FAM184B: variants seen among roughly 807,000 people sequenced by gnomAD.
FAM184B encodes the protein family with sequence similarity 184 member B, also known as protein FAM184B.
A neutral mutation model predicts 135.9 loss-of-function variants in FAM184B; 111 were observed. That is an observed-to-expected ratio of 0.82 (90% CI 0.70 to 0.96). The LOEUF (loss-of-function observed/expected upper bound fraction) is 0.96. Ranked by LOEUF, FAM184B falls within the 40% of genes least tolerant of loss-of-function variation. The pLI is 0.00. For missense variants in FAM184B, 1,375 were observed against 1,323.9 expected, an observed-to-expected ratio of 1.04 and a Z score of -0.60; for synonymous variants, 552 against 524.8, an observed-to-expected ratio of 1.05 and a Z score of -0.71.
intron 6 of FAM184B, among the ~76,000 whole-genome samples, chr4:17,689,361 T>C (rs1271088082): frequency 6.6e-6 from 1 of 152,070 alleles, no homozygotes; most frequent in African/African-American, 2.4e-5. Flanking sequence ...CCAAAAAACA[T>C]AAAGGAAACT....
intron 11 of FAM184B, among the ~76,000 whole-genome samples, chr4:17,652,313 AC>A (rs1414613766): frequency 6.6e-6 from 1 of 150,864 alleles, no homozygotes; most frequent in African/African-American, 2.4e-5. Context: ...TTTAGTAGAG[AC>A]GGGGTTTCAC....
At position 17,633,842 on chromosome 4, in the gene FAM184B, T is replaced by C; in HGVS notation, c.2936A>G (p.Asn979Ser). 1 of 1,551,450 alleles carries C rather than the reference T, an allele frequency of 6.4e-7. No individual in the cohort carries two copies. Among genetic ancestry groups the C allele is most frequent in the Non-Finnish European group, 8.7e-7 (1 of 1,146,934 alleles). The change falls in exon 17 of 18, where the codon AAC becomes AGC. Residue 979 changes from asparagine to serine, a missense_variant. Transcript: ENST00000265018. ...AAAGTTCTTTGCATAGGAGGCGAGG[T>C]TCGGCACGCTGACCACGCGGCTGGG... ...DVPSRVVSVP[N>S]LASYAKNFLS...
intron 7 of FAM184B, among the ~76,000 whole-genome samples, chr4:17,678,354 A>G (rs541774204): frequency 6.6e-6 from 1 of 152,348 alleles, no homozygotes; most frequent in South Asian, 2.1e-4. Context: ...TATACAAATC[A>G]GTAGCTCTTC....
intron 13 of FAM184B, among the ~76,000 whole-genome samples, chr4:17,640,886 A>G (rs1045048808): frequency 6.6e-6 from 1 of 152,172 alleles, no homozygotes; most frequent in African/African-American, 2.4e-5. Flanking sequence ...CCTCCTGCAC[A>G]CATTCCATTG....
chr4:17,642,201 A>C lies in FAM184B; in HGVS notation c.2374T>G (p.Ser792Ala), dbSNP rs770159270. 14 of 1,520,474 alleles carry C rather than the reference A, an allele frequency of 9.2e-6. No homozygotes were observed. The South Asian group carries it at 1.7e-4, about 18-fold the overall frequency. The allele number at this position is 1,520,474 out of a possible 1,614,324, so 94.2% of individuals were successfully genotyped here. ...CCCTGCCCAGCAGCGCCCGGTGGGG[A>C]GCCGGCCTGGCCCGGGCCGCCCCGC... ...EERGGPGQAGSPPGAAGQGSG... is the reference protein window; with the variant it reads ...EERGGPGQAGAPPGAAGQGSG... The change falls in exon 13 of 18, where the codon TCC becomes GCC. Residue 792 changes from serine (S) to alanine (A), a missense_variant. Ser to Ala is a moderately conservative substitution (Grantham distance 99, BLOSUM62 1). Coordinates refer to ENST00000265018, the MANE Select transcript of FAM184B (RefSeq NM_015688.2).
At chr4:17,708,430 AG>A (rs1717164486) in intron 2 of FAM184B, among the ~76,000 whole-genome samples, 1 of 151,614 alleles carries the variant, frequency 6.6e-6, no homozygotes, top group African/African-American at 2.4e-5. Flanking sequence ...GGATCACCTG[AG>A]GTCAGGAGTT....
chr4:17,776,058 A>AGGT (rs1410187652), intron 1 of FAM184B, among the ~76,000 whole-genome samples: 3 of 152,200 alleles, frequency 2.0e-5, no homozygotes, highest in Non-Finnish European at 4.4e-5. Context: ...ACAAATAAAT[A>AGGT]AGGGCTCTGT....
chr4:17,749,176 A>G (rs1486556590), intron 1 of FAM184B, among the ~76,000 whole-genome samples: 2 of 152,024 alleles, frequency 1.3e-5, no homozygotes, highest in Non-Finnish European at 2.9e-5. Context: ...TATGTTTCAC[A>G]ATTTTAAGGC....
rs1017368294 is a variant in FAM184B at position 17,635,113 on chromosome 4, C to T, written c.2785G>A (p.Glu929Lys). The T allele has an allele frequency of 1.9e-5, 30 of 1,550,502 alleles. No individual in the cohort carries two copies. Among genetic ancestry groups the T allele is most frequent in the Non-Finnish European group, 2.3e-5 (26 of 1,145,962 alleles). Residue 929 changes from glutamate (E) to lysine (K), a missense_variant and splice_region_variant, in exon 16 of 18, where the codon GAA (glutamate) becomes AAA (lysine). Physicochemically the swap from Glu to Lys is moderately conservative, Grantham distance 56 (BLOSUM62 1). Transcript: ENST00000265018. Reference protein sequence around the residue: ...EREDIIKQLTEERRFHYAAFP... With the variant: ...EREDIIKQLTKERRFHYAAFP... ...GCTGCGTAGTGAAATCTTCTCTCTT[C>T]CTAGAAAACCAATACAACTGAGTCT... is the stretch of plus-strand genomic sequence containing the variant.
intron 7 of FAM184B, among the ~76,000 whole-genome samples, chr4:17,676,967 A>G (rs1716323782): frequency 6.6e-6 from 1 of 152,216 alleles, no homozygotes; most frequent in African/African-American, 2.4e-5. Context: ...CATTTCTCAG[A>G]ATGTATCATC....
intron 1 of FAM184B, among the ~76,000 whole-genome samples, chr4:17,741,833 C>G (rs576938584): frequency 1.2e-4 from 18 of 152,250 alleles, no homozygotes; most frequent in African/African-American, 4.3e-4. Context: ...TATGAAGTAT[C>G]TAAAATAGTG....
chr4:17,652,966 C>T lies in FAM184B; in HGVS notation c.2055G>A (p.Leu685=), dbSNP rs770665840. The change falls in exon 11 of 18, where the codon TTG becomes TTA. Residue 685 remains leucine, a synonymous_variant. Transcript: ENST00000265018. ...HQELKATEER[L]KKESSHSLQI... ...GGAGGCTGTGGCTGGATTCCTTCTTCAAGCGTTCCTCTGTGGCCTGTGGGA... is the reference window on the plus strand; with the variant it reads ...GGAGGCTGTGGCTGGATTCCTTCTTTAAGCGTTCCTCTGTGGCCTGTGGGA... The T allele has an allele frequency of 1.3e-6, 2 of 1,551,734 alleles. No individual in the cohort carries two copies. Among genetic ancestry groups the T allele is most frequent in the South Asian group, 1.2e-5 (1 of 84,064 alleles).
intron 1 of FAM184B, among the ~76,000 whole-genome samples, chr4:17,762,704 T>C (rs762130900): frequency 1.3e-5 from 2 of 152,196 alleles, no homozygotes; most frequent in Non-Finnish European, 2.9e-5. Context: ...TGGTGAACAA[T>C]AATGCAAGCA....
intron 5 of FAM184B, among the ~76,000 whole-genome samples, chr4:17,703,715 G>A (rs183628827): frequency 2.6e-5 from 4 of 152,144 alleles, no homozygotes; most frequent in East Asian, 1.9e-4. Flanking sequence ...GGCGGATCAC[G>A]AGGTCAAGAG....
At chr4:17,645,881 C>G (rs1456467883) in intron 12 of FAM184B, among the ~76,000 whole-genome samples, 4 of 150,310 alleles carry the variant, frequency 2.7e-5, no homozygotes, top group African/African-American at 4.9e-5. Flanking sequence ...AAATTTACAA[C>G]AAAAAAACAA....
intron 12 of FAM184B, among the ~76,000 whole-genome samples, chr4:17,643,276 A>G (rs1715374843): frequency 6.6e-6 from 1 of 152,158 alleles, no homozygotes. Flanking sequence ...GCAGCCTGGC[A>G]TTGTGTCCCC....
chr4:17,712,066 G>C (rs1349272680), intron 1 of FAM184B, among the ~76,000 whole-genome samples: 3 of 152,236 alleles, frequency 2.0e-5, no homozygotes, highest in Non-Finnish European at 4.4e-5. Flanking sequence ...TTTGCTATGA[G>C]ATTTTCCTCA....
In FAM184B at chr4:17,745,758, C is replaced by T. The variant is rs116320111; in HGVS notation, c.141+35401G>A. ...CAAACTGACACACAGGTGAATCCTC[C>T]TTCTCTCATCTGTAGCATCAATGTC... On this transcript the variant is annotated intron_variant, in intron 1 of 17. Transcript: ENST00000265018. 5.2e-3 allele frequency among the ~76,000 whole-genome samples: 797 copies of T among 152,322 alleles called. 9 individuals carry two copies. Among genetic ancestry groups the T allele is most frequent in the African/African-American group, 0.018 (754 of 41,568 alleles).
chr4:17,771,844 A>C (rs1325308950), intron 1 of FAM184B, among the ~76,000 whole-genome samples: 3 of 152,210 alleles, frequency 2.0e-5, no homozygotes, highest in Non-Finnish European at 1.5e-5. Flanking sequence ...GGAAATGAAC[A>C]TCTGTCAGGC....
Sources: allele counts gnomAD v4.1 joint callset (sites outside exome capture counted in the v4.1 genomes callset), GRCh38; gene constraint gnomAD v4.1.1; transcripts MANE v1.5; gene names NCBI Gene and HGNC (gene_info 2026-07-23, HGNC 2026-07-21).